PCDHA1: variants seen among roughly 807,000 people sequenced by gnomAD.
The protein encoded by PCDHA1 is protocadherin alpha-1.
A neutral mutation model predicts 61.3 loss-of-function variants in PCDHA1; 42 were observed. The ratio of observed to expected loss-of-function variants is 0.69; its 90% CI spans 0.54 to 0.89. The LOEUF is 0.89. Ranked by LOEUF, PCDHA1 falls within the 40% of genes least tolerant of loss-of-function variation. PCDHA1 has a pLI of 0.00. For missense variants in PCDHA1, 1,256 were observed against 1,235.3 expected (o/e 1.02, Z -0.25); for synonymous variants, 610 against 553.8 (o/e 1.10, Z -1.43).
chr5:140,829,133 C>G (rs2150162855), intron 1 of PCDHA1: 1 of 1,612,836 alleles, frequency 6.2e-7, no homozygotes, highest in South Asian at 1.1e-5. Flanking sequence ...TGATAACGTC[C>G]CTGAGATAGC....
intron 1 of PCDHA1, among the ~76,000 whole-genome samples, chr5:140,881,010 T>C (rs782629592): frequency 5.3e-5 from 8 of 152,198 alleles, no homozygotes; most frequent in South Asian, 4.1e-4. Flanking sequence ...AGCAGAGCTA[T>C]GGAAATAAAC....
intron 1 of PCDHA1, among the ~76,000 whole-genome samples, chr5:140,973,136 C>G (rs2096573800): frequency 6.6e-6 from 1 of 152,168 alleles, no homozygotes; most frequent in Admixed American, 6.5e-5. Context: ...TTTGCATTCA[C>G]TTTCACTTAT....
rs1265015709 is a variant in PCDHA1 at position 140,843,042 on chromosome 5, G to A, written c.2394+54358G>A. The A allele has an allele frequency of 6.3e-7, 1 of 1,595,054 alleles. No individual in the cohort carries two copies. The highest frequency in any genetic ancestry group is 8.6e-7 in the Non-Finnish European group (1 of 1,165,358). On this transcript the variant is annotated intron_variant, in intron 1 of 3. Transcript: ENST00000504120. ...CTGGAGCCTCGGGTGGGTGGCACTG[G>A]TGGCGCAGCGAGCAAGCTGGTGCCG... is the stretch of plus-strand genomic sequence containing the variant.
intron 1 of PCDHA1, chr5:140,871,323 CT>C (rs2052977645): frequency 6.2e-7 from 1 of 1,614,102 alleles, no homozygotes; most frequent in Non-Finnish European, 8.5e-7. Context: ...CGCTGGTGTG[CT>C]CCCGCGCGGT....
intron 1 of PCDHA1, among the ~76,000 whole-genome samples, chr5:140,873,728 T>A (rs1208346643): frequency 6.6e-6 from 1 of 152,190 alleles, no homozygotes; most frequent in African/African-American, 2.4e-5. Flanking sequence ...TGGCGCAATC[T>A]CAGCTCACTG....
intron 3 of PCDHA1, among the ~76,000 whole-genome samples, chr5:141,006,182 T>G (rs1388785445): frequency 1.3e-5 from 2 of 151,170 alleles, no homozygotes; most frequent in Non-Finnish European, 2.9e-5. Flanking sequence ...TTTAAAAGAG[T>G]TTGCTATATG....
chr5:140,870,317 C>T (rs782216904), intron 1 of PCDHA1: 9 of 1,614,198 alleles, frequency 5.6e-6, no homozygotes, highest in South Asian at 2.2e-5. Flanking sequence ...AATTACTACT[C>T]GTTGGTGCTG....
intron 1 of PCDHA1, among the ~76,000 whole-genome samples, chr5:140,818,079 C>A (rs1344307617): frequency 1.3e-5 from 2 of 152,162 alleles, no homozygotes; most frequent in Non-Finnish European, 2.9e-5. Context: ...GTTTTCAAAG[C>A]TTCTTATATC....
intron 1 of PCDHA1, chr5:140,824,445 C>T (rs1945825147): frequency 2.2e-6 from 1 of 463,122 alleles, no homozygotes; most frequent in African/African-American, 2.0e-5. Context: ...CAGTTTATGA[C>T]TACATGAAAA....
chr5:140,876,022 A>G lies in PCDHA1; in HGVS notation c.2394+87338A>G, dbSNP rs782132751. ...TGAGAATTTTGAGCTTAAAATAAAA[A>G]CAAAAAAAGATAAAAGTATATTGCC... On this transcript the variant is annotated intron_variant, in intron 1 of 3. Coordinates refer to ENST00000504120, the MANE Select transcript of PCDHA1 (RefSeq NM_018900.4). 1.7e-5 allele frequency: 28 copies of G among 1,613,632 alleles called. No homozygotes were observed. The highest frequency in any genetic ancestry group is 2.2e-5 in the Non-Finnish European group (26 of 1,179,850).
chr5:140,856,364 G>A (rs782661319), intron 1 of PCDHA1: 1 of 1,598,600 alleles, frequency 6.3e-7, no homozygotes, highest in Non-Finnish European at 8.6e-7. Context: ...CATCCACCTG[G>A]AGGTGATCGT....
chr5:140,877,153 A>T (rs2056892429), intron 1 of PCDHA1: 2 of 1,613,798 alleles, frequency 1.2e-6, no homozygotes, highest in Non-Finnish European at 1.7e-6. Flanking sequence ...CGAGAACGAC[A>T]ACGCGCCGGC....
intron 1 of PCDHA1, among the ~76,000 whole-genome samples, chr5:140,913,895 C>A (rs2076500910): frequency 6.6e-6 from 1 of 152,066 alleles, no homozygotes; most frequent in South Asian, 2.1e-4. Flanking sequence ...TTCCAAAATT[C>A]CCCTTTTTTA....
At chr5:140,842,125 T>C (rs1777718972) in intron 1 of PCDHA1, 1 of 1,613,772 alleles carries the variant, frequency 6.2e-7, no homozygotes, top group Non-Finnish European at 8.5e-7. Context: ...ATGCTTCTGA[T>C]CCGGATGAAG....
intron 3 of PCDHA1, 104 bp from the exon 4 acceptor site, chr5:141,009,523 G>A: frequency 6.7e-7 from 1 of 1,502,140 alleles, no homozygotes; most frequent in Non-Finnish European, 8.9e-7. Flanking sequence ...GATTTTTCTG[G>A]GGAGGTTCAG....
intron 1 of PCDHA1, chr5:140,927,924 T>C: frequency 1.2e-6 from 2 of 1,614,204 alleles, no homozygotes; most frequent in Non-Finnish European, 1.7e-6. Context: ...ACTTCCTGAC[T>C]CTTTCGAACC....
At chr5:140,911,814 C>T (rs1165066555) in intron 1 of PCDHA1, among the ~76,000 whole-genome samples, 2 of 152,136 alleles carry the variant, frequency 1.3e-5, no homozygotes, top group African/African-American at 4.8e-5. Context: ...GCAGCCTTCT[C>T]CAGAAACCCC....
intron 1 of PCDHA1, chr5:140,812,952 T>C (rs1202412188): frequency 6.6e-6 from 1 of 152,232 alleles, no homozygotes; most frequent in Non-Finnish European, 1.5e-5. Flanking sequence ...GATTTTCCAG[T>C]TTTAATTCCA....
rs1430137096 is a variant in PCDHA1, at chr5:140,871,495, G to A, written c.2394+82811G>A. On this transcript the variant is annotated intron_variant, in intron 1 of 3. Transcript: ENST00000504120. ...GCCAGGGTCAAATCACCCCGGACAG[G>A]TGAGTTTTCTACAGATTCCACCTAT... 5 of 1,588,092 alleles carry A rather than the reference G, an allele frequency of 3.1e-6. No homozygotes were observed. The African/African-American group carries it at 6.7e-5, about 21-fold the overall frequency.
Sources: gnomAD v4.1 joint callset for allele counts (sites outside exome capture counted in the v4.1 genomes callset) on GRCh38, gnomAD v4.1.1 for gene constraint, MANE v1.5 for transcripts, NCBI Gene and HGNC (gene_info 2026-07-23, HGNC 2026-07-21) for gene names.